The following RBM10 variants were observed in gnomAD, a reference collection of about 807,000 sequenced individuals.
The protein encoded by RBM10 is RNA-binding protein 10.
A neutral mutation model predicts 84.9 loss-of-function variants in RBM10; 1 was observed. That is an observed-to-expected ratio of 0.01 (90% CI 0.00 to 0.06). The LOEUF is 0.06. Among genes scored for constraint, RBM10 ranks in the 10% least tolerant of loss-of-function variants. RBM10 has a pLI of 1.00. For missense variants in RBM10, 438 were observed against 839.0 expected, an observed-to-expected ratio of 0.52 and a Z score of 5.90; for synonymous variants, 326 against 344.5, an observed-to-expected ratio of 0.95 and a Z score of 0.60.
intron 12 of RBM10, 82 bp from the exon 13 acceptor site, chrX:47,181,133 G>A: frequency 1.9e-6 from 1 of 533,714 alleles, no homozygotes; most frequent in South Asian, 2.8e-5. Flanking sequence ...CCCCACGTGT[G>A]GGACAGATGC....
At chrX:47,155,261 C>T (rs1556764852) in intron 2 of RBM10, among the ~76,000 whole-genome samples, 1 of 109,678 alleles carries the variant, frequency 9.1e-6, no homozygotes, top group Admixed American at 9.8e-5. Flanking sequence ...TATCGTATAG[C>T]CAATGTTAGG....
chrX:47,147,282 G>T, intron 1 of RBM10, 75 bp from the exon 2 acceptor site: 1 of 1,023,047 alleles, frequency 9.8e-7, no homozygotes, highest in South Asian at 2.0e-5. Flanking sequence ...GGAGAGCCTT[G>T]ACAATAAGAG....
chrX:47,166,369 C>T (rs992798334), intron 2 of RBM10, among the ~76,000 whole-genome samples: 2 of 111,823 alleles, frequency 1.8e-5, no homozygotes, highest in Admixed American at 1.9e-4. Context: ...TGCACCACTG[C>T]ACTCAGCCTG....
chrX:47,161,090 ATTTCTTTCTTTC>A (rs1165327228), intron 2 of RBM10, among the ~76,000 whole-genome samples: 22 of 109,939 alleles, frequency 2.0e-4, no homozygotes, highest in South Asian at 7.7e-4. Context: ...CACACAGCTA[ATTTCTTTCTTTC>A]TTTCTTTCTT....
At chrX:47,165,033 A>T (rs1460849651) in intron 2 of RBM10, among the ~76,000 whole-genome samples, 36 of 112,105 alleles carry the variant, frequency 3.2e-4, no homozygotes, top group African/African-American at 1.1e-3. Flanking sequence ...GGACAAATAT[A>T]TGATTCCACT....
chrX:47,156,938 G>T, intron 2 of RBM10: 2 of 226,500 alleles, frequency 8.8e-6, no homozygotes, highest in Non-Finnish European at 1.7e-5. Context: ...TGGTGGCGAT[G>T]TGGTTCCAGA....
intron 2 of RBM10, among the ~76,000 whole-genome samples, chrX:47,155,447 A>G (rs1933017896): frequency 9.1e-6 from 1 of 110,184 alleles, no homozygotes; most frequent in Non-Finnish European, 1.9e-5. Flanking sequence ...AGAATTTTAC[A>G]ATGGGCCTGG....
chrX:47,147,247 C>A, intron 1 of RBM10, 110 bp from the exon 2 acceptor site: 1 of 817,008 alleles, frequency 1.2e-6, no homozygotes, highest in Non-Finnish European at 1.8e-6. Context: ...AGCTGGAAGA[C>A]AATGTCCCTG....
chrX:47,154,782 T>G (rs1941964946), intron 2 of RBM10, among the ~76,000 whole-genome samples: 1 of 110,298 alleles, frequency 9.1e-6, no homozygotes. Context: ...ACAGTTCAAA[T>G]TGATTGTATC....
intron 7 of RBM10, among the ~76,000 whole-genome samples, chrX:47,178,331 T>C (rs1556777092): frequency 1.8e-5 from 2 of 111,481 alleles, no homozygotes; most frequent in African/African-American, 6.5e-5. Context: ...CTTAACAAAA[T>C]GAAACTTCTG....
At chrX:47,158,162 C>G in intron 2 of RBM10, 1 of 244,008 alleles carries the variant, frequency 4.1e-6, no homozygotes, top group Admixed American at 5.4e-5. Context: ...CTCATGCAGC[C>G]AGTAGCCAAC....
In RBM10 at chrX:47,179,486, G is replaced by A. The variant is rs1556777964; in HGVS notation, c.892G>A (p.Ala298Thr). Residue 298 changes from alanine to threonine, a missense_variant, in exon 9 of 24, where the codon GCC (alanine) becomes ACC (threonine). Ala to Thr is a moderately conservative substitution (Grantham distance 58, BLOSUM62 0). Around this residue, in one of 8 missense-constraint regions of RBM10, gnomAD observed 33 missense variants for 115.0 expected, o/e 0.29. Transcript: ENST00000377604. ...SQGSEPSSEN[A>T]NDTIILRNLN... ...GGGCTCGGAGCCAAGCTCAGAGAAC[G>A]CCAATGACAGTGAGTCAGTTGTTCC... The A allele has an allele frequency of 5.0e-6, 6 of 1,200,006 alleles. No homozygotes were observed. The highest frequency in any genetic ancestry group is 6.7e-6 in the Non-Finnish European group (6 of 894,228).
At chrX:47,165,290 C>T (rs782030622) in intron 2 of RBM10, among the ~76,000 whole-genome samples, 19 of 108,681 alleles carry the variant, frequency 1.7e-4, no homozygotes, top group Non-Finnish European at 2.9e-4. Context: ...CCGAGACGGG[C>T]GGATCACCTG....
chrX:47,186,625 A>G lies in RBM10; in HGVS notation c.*26A>G, dbSNP rs1381965238. The G allele has an allele frequency of 8.3e-7, 1 of 1,208,272 alleles. No individual in the cohort carries two copies. Among genetic ancestry groups the G allele is most frequent in the Non-Finnish European group, 1.1e-6 (1 of 894,019 alleles). On this transcript the variant is annotated 3_prime_UTR_variant, in exon 24 of 24. Coordinates refer to ENST00000377604, the MANE Select transcript of RBM10 (RefSeq NM_005676.5). ...GCAGCTTCAAGAGCAACTTCTCCAC[A>G]TGTTGGGTGTCCATCCTGGGGCAGG...
Position 47,185,681 on chromosome X carries a change from C to T in RBM10, c.2356-35C>T, listed in dbSNP as rs1854417776. ...TGCTGGGGCCTGGCCCACTGAGGCT[C>T]ATCCTCTTCACTTCTCATCCTGTCC... On this transcript the variant is annotated intron_variant, in intron 20 of 23. Transcript: ENST00000377604. 3.3e-6 allele frequency: 4 copies of T among 1,210,141 alleles called. 1 individual carries two copies. Among genetic ancestry groups the T allele is most frequent in the Non-Finnish European group, 4.5e-6 (4 of 894,676 alleles).
rs1331696206 is a variant in RBM10, at chrX:47,185,390, G to A, written c.2166+23G>A. On this transcript the variant is annotated intron_variant, in intron 19 of 23. Coordinates refer to ENST00000377604, the MANE Select transcript of RBM10 (RefSeq NM_005676.5). The stretch of plus-strand genomic sequence containing the variant: ...CCAGTGAGTGCCCAAGGCAGAGAGG[G>A]GCGGGGGCTCTGATCTGGCCAGGCC... 12 of 1,184,720 alleles carry A rather than the reference G, an allele frequency of 1.0e-5. No individual in the cohort carries two copies. The East Asian group carries it at 3.5e-4, about 34-fold the overall frequency.
chrX:47,168,564 A>G (rs1185468886), intron 2 of RBM10, among the ~76,000 whole-genome samples: 1 of 111,107 alleles, frequency 9.0e-6, no homozygotes. Context: ...AAAAGAAAAG[A>G]AATGCAGATG....
chrX:47,163,955 ACC>A, intron 2 of RBM10, among the ~76,000 whole-genome samples: 1 of 69,357 alleles, frequency 1.4e-5, no homozygotes, highest in African/African-American at 6.1e-5. Flanking sequence ...TGCAAGCTCC[ACC>A]TCCCGGATTC....
At chrX:47,149,141 G>A (rs944029273) in intron 2 of RBM10, among the ~76,000 whole-genome samples, 3 of 111,200 alleles carry the variant, frequency 2.7e-5, no homozygotes, top group Admixed American at 1.9e-4. Context: ...CACAGTCTTC[G>A]TTTTGTTTCC....
Sources: allele counts gnomAD v4.1 joint callset (sites outside exome capture counted in the v4.1 genomes callset), GRCh38; gene constraint gnomAD v4.1.1; regional missense constraint gnomAD v4.1.1; transcripts MANE v1.5; gene names NCBI Gene and HGNC (gene_info 2026-07-23, HGNC 2026-07-21).